TRAPPC9: variants seen among roughly 807,000 people sequenced by gnomAD.
TRAPPC9 encodes IKK2 binding protein.
TRAPPC9 carries 83 observed loss-of-function variants against 124.0 expected under a neutral mutation model. The ratio of observed to expected loss-of-function variants is 0.67; its 90% confidence interval spans 0.56 to 0.80. TRAPPC9 has a LOEUF of 0.80. Among genes scored for constraint, TRAPPC9 ranks in the 30% least tolerant of loss-of-function variants. The pLI is 0.00. For synonymous variants in TRAPPC9, 638 were observed against 617.5 expected (o/e 1.03, Z -0.49); for missense variants, 1,302 against 1,508.3 (o/e 0.86, Z 2.27).
chr8:140,049,377 T>C (rs1360780763), intron 17 of TRAPPC9, among the ~76,000 whole-genome samples: 2 of 152,106 alleles, frequency 1.3e-5, no homozygotes, highest in East Asian at 1.9e-4. Flanking sequence ...AGGCTTACTC[T>C]TTGCCAGAGG....
At chr8:139,842,543 A>AG (rs1480330713) in intron 21 of TRAPPC9, among the ~76,000 whole-genome samples, 1 of 152,348 alleles carries the variant, frequency 6.6e-6, no homozygotes, top group Non-Finnish European at 1.5e-5. Flanking sequence ...CACAGTCGGC[A>AG]GGCGATTCAT....
rs2064293811 is a variant in TRAPPC9, at chr8:140,257,477, C to T, written c.2279-4548G>A. Among the ~76,000 whole-genome samples the T allele has an allele frequency of 7.0e-6, 1 of 143,030 alleles. No homozygotes were observed. Among genetic ancestry groups the T allele is most frequent in the Non-Finnish European group, 1.5e-5 (1 of 65,324 alleles). The allele number at this position is 143,030 out of a possible 152,430, so 93.8% of individuals were successfully genotyped here. A position where few individuals can be genotyped will look rare whatever the true frequency, so the allele number is the denominator to read the frequency against. ...CCACCTTGGTTTGAAAAGAAGCCTC[C>T]CCAGACAGGAGCCCAGGAGTGGGAA... On this transcript the variant is annotated intron_variant, in intron 15 of 22. Coordinates refer to ENST00000438773, the MANE Select transcript of TRAPPC9 (RefSeq NM_001160372.4). The surrounding 1 kb of genome is among the most constrained non-coding windows in gnomAD (Gnocchi z 4.6).
chr8:140,109,292 A>G (rs61590643), intron 17 of TRAPPC9, among the ~76,000 whole-genome samples: 224 of 152,272 alleles, frequency 1.5e-3, no homozygotes, highest in Middle Eastern at 6.8e-3. Context: ...TAATTACTCC[A>G]GGGCAGTATG....
chr8:140,431,932 G>A (rs2070660795), intron 4 of TRAPPC9, among the ~76,000 whole-genome samples: 1 of 152,184 alleles, frequency 6.6e-6, no homozygotes, highest in Non-Finnish European at 1.5e-5. Flanking sequence ...GACATTGGAA[G>A]AAAAGTCCAA....
intron 21 of TRAPPC9, among the ~76,000 whole-genome samples, chr8:139,800,329 G>A (rs1000538437): frequency 6.6e-6 from 1 of 152,246 alleles, no homozygotes; most frequent in Middle Eastern, 3.2e-3. Flanking sequence ...AGGGAAGTGG[G>A]TGACCAGAGC....
At chr8:140,103,504 G>A (rs370603074) in intron 17 of TRAPPC9, among the ~76,000 whole-genome samples, 2 of 152,304 alleles carry the variant, frequency 1.3e-5, no homozygotes, top group African/African-American at 4.8e-5. Flanking sequence ...CCTCCAGTGG[G>A]TTGAAGTGAG....
chr8:139,934,764 C>T (rs767059073), intron 19 of TRAPPC9, among the ~76,000 whole-genome samples: 8 of 152,154 alleles, frequency 5.3e-5, no homozygotes, highest in African/African-American at 9.7e-5. Flanking sequence ...AAGGGTTCCT[C>T]GGTCAGTGTT....
At chr8:139,914,604 C>T (rs1357642379) in intron 19 of TRAPPC9, among the ~76,000 whole-genome samples, 1 of 152,198 alleles carries the variant, frequency 6.6e-6, no homozygotes, top group Non-Finnish European at 1.5e-5. Context: ...GTCAGTGCCA[C>T]CCGCACCTAA....
At chr8:140,237,930 G>C (rs1485652077) in intron 16 of TRAPPC9, among the ~76,000 whole-genome samples, 1 of 152,222 alleles carries the variant, frequency 6.6e-6, no homozygotes, top group Non-Finnish European at 1.5e-5. Context: ...CGGACACGAG[G>C]AGAAGGCGTG....
chr8:139,761,994 G>T (rs532517146), intron 21 of TRAPPC9, among the ~76,000 whole-genome samples: 2 of 151,888 alleles, frequency 1.3e-5, no homozygotes, highest in African/African-American at 4.8e-5. Flanking sequence ...GCAAAGCCGT[G>T]CCTGGATCTA....
intron 21 of TRAPPC9, among the ~76,000 whole-genome samples, 153 bp downstream of exon 21, chr8:139,885,726 G>A (rs548892708): frequency 6.6e-6 from 1 of 152,230 alleles, no homozygotes; most frequent in Non-Finnish European, 1.5e-5. Flanking sequence ...GCAGTATGGT[G>A]AGCCCGTCTT....
At chr8:140,419,779 G>C (rs1186145155) in intron 5 of TRAPPC9, among the ~76,000 whole-genome samples, 2 of 151,990 alleles carry the variant, frequency 1.3e-5, no homozygotes, top group Non-Finnish European at 2.9e-5. Flanking sequence ...CCAGCTACTC[G>C]GGAGGCTGAG....
chr8:139,976,600 G>A (rs1836488549), intron 19 of TRAPPC9, among the ~76,000 whole-genome samples: 2 of 152,212 alleles, frequency 1.3e-5, no homozygotes, highest in South Asian at 4.1e-4. Flanking sequence ...GGTGCCAAAG[G>A]CTCAGGTGCC....
chr8:140,255,069 G>A (rs6980517), intron 15 of TRAPPC9, among the ~76,000 whole-genome samples: 7,465 of 152,296 alleles, frequency 0.049, 299 homozygotes, highest in African/African-American at 0.1. Flanking sequence ...ACCATGGCAC[G>A]GTCCTGCAGA....
chr8:139,864,250 C>T (rs1169836200), intron 21 of TRAPPC9, among the ~76,000 whole-genome samples: 1 of 152,184 alleles, frequency 6.6e-6, no homozygotes, highest in East Asian at 1.9e-4. Context: ...CATTCAATTA[C>T]TCTTATCTCT....
chr8:140,308,478 A>T (rs2066200167), intron 10 of TRAPPC9, among the ~76,000 whole-genome samples: 1 of 151,974 alleles, frequency 6.6e-6, no homozygotes, highest in Admixed American at 6.6e-5. Flanking sequence ...GATCCACGTG[A>T]GGAAGGAGTC....
chr8:140,423,579 T>TACACACACACAC (rs35333495), intron 5 of TRAPPC9, among the ~76,000 whole-genome samples: 3,177 of 145,376 alleles, frequency 0.022, 46 homozygotes, highest in Middle Eastern at 0.05. Context: ...AAATGTGGCA[T>TACACACACACAC]ACACACACAC....
chr8:140,058,052 G>A (rs1450439308), intron 17 of TRAPPC9, among the ~76,000 whole-genome samples: 1 of 152,172 alleles, frequency 6.6e-6, no homozygotes, highest in Non-Finnish European at 1.5e-5. Context: ...AGAAGTGCTC[G>A]CGAATGTGAC....
chr8:140,276,738 T>C (rs1481707085), intron 14 of TRAPPC9, among the ~76,000 whole-genome samples: 1 of 151,314 alleles, frequency 6.6e-6, no homozygotes, highest in Non-Finnish European at 1.5e-5. Context: ...ACAGGTGAGG[T>C]TAAACACACA....
Sources: gnomAD v4.1 joint callset for allele counts (sites outside exome capture counted in the v4.1 genomes callset) on GRCh38, gnomAD v4.1.1 for gene constraint, Gnocchi (gnomAD v3.1) non-coding constraint, MANE v1.5 for transcripts, NCBI Gene and HGNC (gene_info 2026-07-23, HGNC 2026-07-21) for gene names.